Variants in CFAP61 observed in about 807,000 individuals in gnomAD.
CFAP61 encodes cilia and flagella associated protein 61, also known as cilia- and flagella-associated protein 61.
A neutral mutation model predicts 135.6 loss-of-function variants in CFAP61; 107 were observed. The observed-to-expected ratio is 0.79, with a 90% CI of 0.67 to 0.93. The LOEUF is 0.93. Among genes scored for constraint, CFAP61 ranks in the 40% least tolerant of loss-of-function variants. CFAP61 has a pLI of 0.00. For synonymous variants in CFAP61, 575 were observed against 578.5 expected, an observed-to-expected ratio of 0.99 and a Z score of 0.09; for missense variants, 1,507 against 1,556.2, an observed-to-expected ratio of 0.97 and a Z score of 0.53.
chr20:20,240,627 C>T (rs1026304578), intron 18 of CFAP61, among the ~76,000 whole-genome samples: 1 of 152,038 alleles, frequency 6.6e-6, no homozygotes, highest in African/African-American at 2.4e-5. Context: ...ATATCCCCAG[C>T]TCATCCTTCC....
intron 2 of CFAP61, among the ~76,000 whole-genome samples, chr20:20,058,613 G>A (rs2146536217): frequency 6.6e-6 from 1 of 152,306 alleles, no homozygotes; most frequent in East Asian, 1.9e-4. Context: ...GACAGTGAGG[G>A]CTCACTCAGC....
At chr20:20,296,340 C>CTTCCCTCCTTCCTTCCCTTCCTTCT (rs1569260850) in intron 24 of CFAP61, among the ~76,000 whole-genome samples, 1 of 70,114 alleles carries the variant, frequency 1.4e-5, no homozygotes, top group Non-Finnish European at 2.9e-5. Flanking sequence ...TCCTTCCTTC[C>CTTCCCTCCTTCCTTCCCTTCCTTCT]TTGCTTCCTT....
At chr20:20,241,803 T>C (rs1168674806) in intron 18 of CFAP61, among the ~76,000 whole-genome samples, 2 of 152,166 alleles carry the variant, frequency 1.3e-5, no homozygotes, top group Non-Finnish European at 2.9e-5. Context: ...TTATTATTAT[T>C]AGCATTTTTC....
intron 26 of CFAP61, among the ~76,000 whole-genome samples, chr20:20,349,016 A>G (rs775513242): frequency 1.3e-5 from 2 of 152,222 alleles, no homozygotes; most frequent in Non-Finnish European, 2.9e-5. Flanking sequence ...CAAGAAAAAG[A>G]TATAAAAGAC....
At chr20:20,211,674 C>G (rs73607405) in intron 17 of CFAP61, among the ~76,000 whole-genome samples, 11,660 of 152,188 alleles carry the variant, frequency 0.077, 1,263 homozygotes, top group East Asian at 0.56. Context: ...ACAGACTGTG[C>G]CACATTCCTA....
intron 13 of CFAP61, among the ~76,000 whole-genome samples, chr20:20,175,194 C>T (rs947438928): frequency 2.0e-5 from 3 of 152,218 alleles, no homozygotes; most frequent in Non-Finnish European, 2.9e-5. Context: ...GCTGGATGTA[C>T]GGCCACCATG....
At chr20:20,258,100 T>C (rs2051806257) in intron 20 of CFAP61, among the ~76,000 whole-genome samples, 1 of 152,170 alleles carries the variant, frequency 6.6e-6, no homozygotes, top group South Asian at 2.1e-4. Context: ...AACCACCCTG[T>C]TATAAGAACC....
At chr20:20,155,514 G>A (rs1031615495) in intron 9 of CFAP61, among the ~76,000 whole-genome samples, 3 of 152,056 alleles carry the variant, frequency 2.0e-5, no homozygotes, top group African/African-American at 7.2e-5. Context: ...TTTGCAAACT[G>A]TGTATCTGAC....
chr20:20,111,072 A>G (rs867282851), intron 8 of CFAP61, among the ~76,000 whole-genome samples: 2 of 152,250 alleles, frequency 1.3e-5, no homozygotes, highest in Non-Finnish European at 2.9e-5. Context: ...GATAACTCAC[A>G]TGAGCAGATT....
Position 20,260,150 on chromosome 20 carries a change from T to C in CFAP61, c.2329-2806T>C, listed in dbSNP as rs574005684. On this transcript the variant is annotated intron_variant, in intron 20 of 26. Coordinates refer to ENST00000245957, the MANE Select transcript of CFAP61 (RefSeq NM_015585.4). ...TTCTAAATGTCTGCCTACAAACTCC[T>C]CTTAGTGTTTAAATCTGCTGTTCAA... 8.5e-5 allele frequency among the ~76,000 whole-genome samples: 13 copies of C among 152,344 alleles called. No homozygotes were observed. In the South Asian group the frequency reaches 2.7e-3, roughly 32 times the overall value.
chr20:20,294,937 A>AAAC, intron 24 of CFAP61, among the ~76,000 whole-genome samples: 1 of 142,912 alleles, frequency 7.0e-6, no homozygotes, highest in East Asian at 2.0e-4. Context: ...TCCGTCTCAA[A>AAAC]AATAATAATA....
At chr20:20,118,117 T>C (rs187244318) in intron 8 of CFAP61, among the ~76,000 whole-genome samples, 1 of 152,238 alleles carries the variant, frequency 6.6e-6, no homozygotes, top group Admixed American at 6.5e-5. Flanking sequence ...TTCCTAGTAT[T>C]ATGTTGAATA....
chr20:20,329,107 A>G (rs2057879112), intron 25 of CFAP61, among the ~76,000 whole-genome samples: 1 of 152,050 alleles, frequency 6.6e-6, no homozygotes, highest in South Asian at 2.1e-4. Context: ...TTCTGCTGAC[A>G]CTTTACTCAA....
At chr20:20,108,396 T>A (rs926063364) in intron 8 of CFAP61, among the ~76,000 whole-genome samples, 3 of 151,984 alleles carry the variant, frequency 2.0e-5, no homozygotes, top group African/African-American at 7.2e-5. Flanking sequence ...AATAAACAAA[T>A]GTAAAAACCC....
chr20:20,337,270 G>A (rs1226782403), intron 25 of CFAP61, among the ~76,000 whole-genome samples: 1 of 121,470 alleles, frequency 8.2e-6, no homozygotes, highest in Admixed American at 9.7e-5. Context: ...GACAGAATGG[G>A]TGGGTGGATG....
At chr20:20,111,171 T>C (rs1376396539) in intron 8 of CFAP61, among the ~76,000 whole-genome samples, 3 of 152,222 alleles carry the variant, frequency 2.0e-5, no homozygotes, top group East Asian at 1.9e-4. Context: ...GTAAAATAAA[T>C]CTAGTTTCAT....
At chr20:20,305,253 A>G (rs2056402064) in intron 25 of CFAP61, among the ~76,000 whole-genome samples, 1 of 152,236 alleles carries the variant, frequency 6.6e-6, no homozygotes, top group South Asian at 2.1e-4. Context: ...GTGAGGCTCC[A>G]GAAGTTCTTC....
chr20:20,217,335 TAGTG>T (rs1352172500), intron 17 of CFAP61, among the ~76,000 whole-genome samples: 1 of 152,314 alleles, frequency 6.6e-6, no homozygotes, highest in East Asian at 1.9e-4. Flanking sequence ...TCAACAGAAA[TAGTG>T]AGCCTAGCTG....
intron 24 of CFAP61, among the ~76,000 whole-genome samples, chr20:20,290,845 C>A (rs576288683): frequency 9.2e-5 from 14 of 152,332 alleles, no homozygotes; most frequent in African/African-American, 3.4e-4. Context: ...TTCATGCCTT[C>A]AGGTGACTGC....
Sources: gnomAD v4.1 joint callset for allele counts (sites outside exome capture counted in the v4.1 genomes callset) on GRCh38, gnomAD v4.1.1 for gene constraint, MANE v1.5 for transcripts, NCBI Gene and HGNC (gene_info 2026-07-23, HGNC 2026-07-21) for gene names.